The following NREP variants were observed in gnomAD, a reference collection of about 807,000 sequenced individuals.
The protein encoded by NREP is neuronal regeneration-related protein.
Under a neutral mutation model 8.6 loss-of-function variants are expected in NREP, and 5 were observed. That is an observed-to-expected ratio of 0.58 (90% CI 0.30 to 1.22). The LOEUF (loss-of-function observed/expected upper bound fraction) is 1.22. Ranked by LOEUF, NREP falls within the 50% of genes most tolerant of loss-of-function variation. The pLI is 0.07. For synonymous variants in NREP, 27 were observed against 28.0 expected (o/e 0.96, Z 0.11); for missense variants, 86 against 82.5 (o/e 1.04, Z -0.17).
intron 2 of NREP, among the ~76,000 whole-genome samples, chr5:111,754,614 G>A (rs937773988): frequency 3.3e-5 from 5 of 152,266 alleles, no homozygotes; most frequent in African/African-American, 1.2e-4. Context: ...AAAATCCATT[G>A]ATTAGCTTAA....
intron 2 of NREP, among the ~76,000 whole-genome samples, chr5:111,740,482 G>A (rs1021485008): frequency 1.3e-5 from 2 of 151,768 alleles, no homozygotes; most frequent in Non-Finnish European, 2.9e-5. Context: ...TTCTTTTGAG[G>A]CTTGTTTTAC....
chr5:111,772,858 A>G (rs1751267444), intron 2 of NREP, among the ~76,000 whole-genome samples: 1 of 152,336 alleles, frequency 6.6e-6, no homozygotes, highest in African/African-American at 2.4e-5. Context: ...GCTGTGTTTC[A>G]TAGCATGACA....
intron 2 of NREP, among the ~76,000 whole-genome samples, chr5:111,797,909 A>C (rs1751910129): frequency 6.6e-6 from 1 of 152,216 alleles, no homozygotes; most frequent in South Asian, 2.1e-4. Context: ...GGGAGAACAA[A>C]GAAATGTATA....
chr5:111,968,671 G>C (rs77727953), intron 2 of NREP, among the ~76,000 whole-genome samples: 1 of 152,290 alleles, frequency 6.6e-6, no homozygotes, highest in East Asian at 1.9e-4. Context: ...CTTTCCTGCA[G>C]AATTCCCTCC....
intron 1 of NREP, chr5:111,976,676 CAT>C: frequency 6.5e-7 from 1 of 1,526,916 alleles, no homozygotes. Context: ...AATGTCCCCT[CAT>C]ATGCATACAC....
At chr5:111,772,055 C>T (rs1430347196) in intron 2 of NREP, among the ~76,000 whole-genome samples, 3 of 152,130 alleles carry the variant, frequency 2.0e-5, no homozygotes, top group Admixed American at 6.5e-5. Flanking sequence ...AGGAATTCCA[C>T]GATCTGTAAA....
chr5:111,731,464 G>C (rs1174242151), intron 3 of NREP, among the ~76,000 whole-genome samples: 1 of 149,834 alleles, frequency 6.7e-6, no homozygotes, highest in South Asian at 2.1e-4. Context: ...TGGGTGTGAT[G>C]AAGACGGGTT....
chr5:111,919,494 C>T (rs186826555), intron 2 of NREP, among the ~76,000 whole-genome samples: 81 of 152,122 alleles, frequency 5.3e-4, no homozygotes, highest in African/African-American at 1.7e-3. Context: ...CAATGATAGA[C>T]TGGATAAAGA....
intron 2 of NREP, among the ~76,000 whole-genome samples, chr5:111,893,765 T>C (rs183196580): frequency 5.1e-4 from 77 of 151,898 alleles, no homozygotes; most frequent in Non-Finnish European, 8.2e-4. Flanking sequence ...GGTTTTTCAA[T>C]TATTTTGGGA....
At chr5:111,837,303 A>G (rs908900439) in intron 2 of NREP, among the ~76,000 whole-genome samples, 1 of 152,038 alleles carries the variant, frequency 6.6e-6, no homozygotes, top group Non-Finnish European at 1.5e-5. Flanking sequence ...TCCAGAAAGC[A>G]GAAAGTTTTT....
At chr5:111,750,735 G>C (rs1750310193) in intron 2 of NREP, among the ~76,000 whole-genome samples, 1 of 152,150 alleles carries the variant, frequency 6.6e-6, no homozygotes, top group South Asian at 2.1e-4. Flanking sequence ...TTCCAATACT[G>C]GGAGTAAAGC....
rs377165721 is a variant in NREP at position 111,731,081 on chromosome 5, C to A, written c.82-35G>T. On this transcript the variant is annotated intron_variant, in intron 3 of 3. Transcript: ENST00000257435. Reference sequence around the variant, plus strand: ...AGGCAGACCCACACACAGACAGACACACATAAAAGACAAAATTAGTCATGC... The same window carrying A: ...AGGCAGACCCACACACAGACAGACAAACATAAAAGACAAAATTAGTCATGC... 6.2e-5 allele frequency: 100 copies of A among 1,600,152 alleles called. 1 individual carries two copies. The highest frequency in any genetic ancestry group is 3.4e-4 in the South Asian group (30 of 89,324).
chr5:111,798,545 T>C (rs1464066767), intron 2 of NREP, among the ~76,000 whole-genome samples: 1 of 152,068 alleles, frequency 6.6e-6, no homozygotes, highest in African/African-American at 2.4e-5. Context: ...GTCCCCAAAG[T>C]CCAATATTTC....
chr5:111,849,628 A>C (rs7710698), intron 2 of NREP, among the ~76,000 whole-genome samples: 22,350 of 151,980 alleles, frequency 0.15, 3,199 homozygotes, highest in African/African-American at 0.37. Context: ...ATTCAGGGAT[A>C]TTTTTTGAAT....
rs991596391 is a variant in NREP, at chr5:111,975,300, G to A, written c.109C>T (p.His37Tyr). 7 of 1,551,338 alleles carry A rather than the reference G, an allele frequency of 4.5e-6. No homozygotes were observed. The African/African-American group carries it at 9.6e-5, about 21-fold the overall frequency. Residue 37 changes from histidine (H) to tyrosine (Y), a missense_variant, in exon 2 of 4, where the codon CAC becomes TAC. By Grantham distance (83) the His-to-Tyr change is moderately conservative. Coordinates refer to the NREP transcript ENST00000395634. The stretch of plus-strand genomic sequence containing the variant: ...CAATTCAGAACAGAAATCTGGCAGT[G>A]AACCTGGAAACATTTGGAACAAGGG...
intron 2 of NREP, among the ~76,000 whole-genome samples, chr5:111,787,468 A>G (rs1751638485): frequency 6.6e-6 from 1 of 152,194 alleles, no homozygotes; most frequent in African/African-American, 2.4e-5. Context: ...CAAGCCCATG[A>G]TAGAGTTGGG....
At chr5:111,760,309 A>G (rs1750932487), upstream of NREP, among the ~76,000 whole-genome samples, 1 of 152,206 alleles carries the variant, frequency 6.6e-6, no homozygotes, top group Non-Finnish European at 1.5e-5. Flanking sequence ...GAGAACCACT[A>G]GCTCTAACAA....
chr5:111,883,659 A>T (rs1455049786), intron 2 of NREP, among the ~76,000 whole-genome samples: 2 of 152,246 alleles, frequency 1.3e-5, no homozygotes, highest in East Asian at 3.8e-4. Context: ...AGAACTCAGG[A>T]TTAAGACACT....
chr5:111,975,208 G>T, intron 2 of NREP: 1 of 1,121,462 alleles, frequency 8.9e-7, no homozygotes, highest in Non-Finnish European at 1.3e-6. Flanking sequence ...TTGGTTGCAT[G>T]TGATGGAAAC....
Sources: allele counts gnomAD v4.1 joint callset (sites outside exome capture counted in the v4.1 genomes callset), GRCh38; gene constraint gnomAD v4.1.1; transcripts MANE v1.5; gene names NCBI Gene and HGNC (gene_info 2026-07-23, HGNC 2026-07-21).